Variants in PNO1 observed in about 807,000 individuals in gnomAD.
PNO1 encodes the protein RNA-binding protein PNO1.
PNO1 carries 16 observed loss-of-function variants against 28.4 expected under a neutral mutation model. The ratio of observed to expected loss-of-function variants is 0.56; its 90% CI spans 0.38 to 0.85. PNO1 has a LOEUF of 0.85. Among genes scored for constraint, PNO1 ranks in the 40% least tolerant of loss-of-function variants. The pLI is 0.00. For synonymous variants in PNO1, 115 were observed against 110.8 expected (o/e 1.04, Z -0.24); for missense variants, 304 against 312.2 (o/e 0.97, Z 0.20).
rs374601387 is a variant in PNO1 at position 68,173,286 on chromosome 2, G to A, written c.621-61G>A. 93 of 1,019,100 alleles carry A rather than the reference G, an allele frequency of 9.1e-5. 1 individual carries two copies. The African/African-American group carries it at 1.3e-3, about 14-fold the overall frequency. 63.1% of individuals were successfully genotyped at this position (1,019,100 alleles called of 1,614,324 possible). On this transcript the variant is annotated intron_variant, in intron 5 of 6. Coordinates refer to ENST00000263657, the MANE Select transcript of PNO1 (RefSeq NM_020143.4). ...CCTGCCTTGGCCTTCCAAAGTGCTGGGATTACAGGTGTGAGTCATTGCATC... is the reference window on the plus strand; with the variant it reads ...CCTGCCTTGGCCTTCCAAAGTGCTGAGATTACAGGTGTGAGTCATTGCATC...
At position 68,174,990 on chromosome 2, in the gene PNO1, A is replaced by C; in HGVS notation, c.*188A>C. 2.1e-6 allele frequency: 1 copy of C among 482,808 alleles called. No homozygotes were observed. Among genetic ancestry groups the C allele is most frequent in the Non-Finnish European group, 3.6e-6 (1 of 273,992 alleles). 29.9% of individuals were successfully genotyped at this position (482,808 alleles called of 1,614,324 possible). Reference sequence around the variant, plus strand: ...ATTCACACTCAACAGGTTTTAGGATAATTTAAATATCAAAAATTGATTGTT... The same window carrying C: ...ATTCACACTCAACAGGTTTTAGGATCATTTAAATATCAAAAATTGATTGTT... On this transcript the variant is annotated 3_prime_UTR_variant, in exon 7 of 7. Coordinates refer to ENST00000263657, the MANE Select transcript of PNO1 (RefSeq NM_020143.4).
chr2:68,175,316 G>T lies in PNO1; in HGVS notation c.*514G>T. 1 of 152,530 alleles carries T rather than the reference G, an allele frequency of 6.6e-6. No individual in the cohort carries two copies. Among genetic ancestry groups the T allele is most frequent in the Non-Finnish European group, 1.5e-5 (1 of 68,300 alleles). 9.4% of individuals were successfully genotyped at this position (152,530 alleles called of 1,614,324 possible). The stretch of plus-strand genomic sequence containing the variant: ...ACTTTGTCACCCAGGCTAGAGTGCA[G>T]TGGTGCAATCTCAGCTCACTGCAGC... On this transcript the variant is annotated 3_prime_UTR_variant, in exon 7 of 7. Transcript: ENST00000263657.
chr2:68,159,611 G>A (rs1004103600), intron 2 of PNO1, among the ~76,000 whole-genome samples: 7 of 152,004 alleles, frequency 4.6e-5, no homozygotes, highest in Non-Finnish European at 8.8e-5. Flanking sequence ...ATCGATAACC[G>A]AAATTAATTA....
chr2:68,162,654 T>C lies in PNO1; in HGVS notation c.611T>C (p.Leu204Ser). The C allele has an allele frequency of 6.3e-7, 1 of 1,592,694 alleles. No homozygotes were observed. The highest frequency in any genetic ancestry group is 8.6e-7 in the Non-Finnish European group (1 of 1,160,522). Residue 204 changes from leucine to serine, a missense_variant, in exon 5 of 7, where the codon TTG (leucine) becomes TCG (serine). By Grantham distance (145) the Leu-to-Ser change is moderately radical. Coordinates refer to ENST00000263657, the MANE Select transcript of PNO1 (RefSeq NM_020143.4). The part of the protein sequence containing the change: ...IENVTRTRIV[L>S]ADVKVHILGS... ...AATGTGACACGGACAAGGATAGTTT[T>C]GGCTGATGTGTAAGTATCTGATCTT...
At chr2:68,158,164 C>A in intron 1 of PNO1, 23 bp downstream of exon 1, 1 of 1,561,416 alleles carries the variant, frequency 6.4e-7, no homozygotes, top group Non-Finnish European at 8.7e-7. Flanking sequence ...GACCCTAGGA[C>A]AGCAACGAGG....
At chr2:68,170,679 C>T (rs1001070748) in intron 5 of PNO1, among the ~76,000 whole-genome samples, 23 of 131,482 alleles carry the variant, frequency 1.7e-4, no homozygotes, top group Non-Finnish European at 2.8e-4. Context: ...ATCCGAGAGG[C>T]GGAGCTTGCA....
chr2:68,170,496 C>G (rs557512152), intron 5 of PNO1, among the ~76,000 whole-genome samples: 1 of 152,210 alleles, frequency 6.6e-6, no homozygotes, highest in East Asian at 1.9e-4. Context: ...ACCTGTAATC[C>G]CAGCACTTTG....
intron 5 of PNO1, among the ~76,000 whole-genome samples, chr2:68,172,103 G>A (rs1034280060): frequency 1.2e-4 from 19 of 152,168 alleles, no homozygotes; most frequent in African/African-American, 4.6e-4. Context: ...CTGAGAGGCT[G>A]GCATGTTGGG....
At chr2:68,160,125 C>T (rs185983777) in intron 2 of PNO1, among the ~76,000 whole-genome samples, 11 of 152,000 alleles carry the variant, frequency 7.2e-5, no homozygotes, top group Admixed American at 2.0e-4. Context: ...CCCACCACCA[C>T]GCCCGGCTAA....
chr2:68,159,769 C>G (rs1052612391), intron 2 of PNO1, among the ~76,000 whole-genome samples: 4 of 151,818 alleles, frequency 2.6e-5, no homozygotes, highest in African/African-American at 9.7e-5. Context: ...AGAGTAACTC[C>G]TCTTTGTCCC....
intron 6 of PNO1, among the ~76,000 whole-genome samples, chr2:68,174,288 G>GTTT (rs34323809): frequency 6.6e-5 from 7 of 106,778 alleles, no homozygotes; most frequent in Non-Finnish European, 9.2e-5. Flanking sequence ...TTCTGTTAAG[G>GTTT]TTTTTTTTTT....
In PNO1 at chr2:68,161,746, A is replaced by G. The variant is rs749262941; in HGVS notation, c.421A>G (p.Ile141Val). Residue 141 changes from isoleucine (I) to valine (V), a missense_variant, in exon 3 of 7, where the codon ATT (isoleucine) becomes GTT (valine). Physicochemically the swap from Ile to Val is conservative, Grantham distance 29. Transcript: ENST00000263657. ...TKAADFVKAF[I>V]LGFQVEDALA... The stretch of plus-strand genomic sequence containing the variant: ...AGCAGCTGATTTTGTGAAAGCTTTT[A>G]TTCTCGGCTTTCAGGTGGAGGTGAG... 1 of 1,611,162 alleles carries G rather than the reference A, an allele frequency of 6.2e-7. No homozygotes were observed. The highest frequency in any genetic ancestry group is 8.5e-7 in the Non-Finnish European group (1 of 1,177,788).
intron 5 of PNO1, among the ~76,000 whole-genome samples, chr2:68,171,708 G>A (rs890635507): frequency 2.0e-5 from 3 of 152,178 alleles, no homozygotes; most frequent in Non-Finnish European, 2.9e-5. Context: ...GGATGAAAGG[G>A]AGAGAGCGGA....
At chr2:68,161,914 C>T in intron 3 of PNO1, 148 bp downstream of exon 3, 7 of 623,086 alleles carry the variant, frequency 1.1e-5, no homozygotes, top group Non-Finnish European at 2.0e-5. Context: ...GCAGGTGGAT[C>T]ACTTGAGGCC....
chr2:68,172,776 T>C (rs554864561), intron 5 of PNO1, among the ~76,000 whole-genome samples: 1 of 152,286 alleles, frequency 6.6e-6, no homozygotes, highest in East Asian at 1.9e-4. Flanking sequence ...CATGTGAGGA[T>C]TAATGAGGGC....
At chr2:68,162,244 G>A (rs779854893) in intron 3 of PNO1, 21 bp from the exon 4 acceptor site, 13 of 1,588,302 alleles carry the variant, frequency 8.2e-6, no homozygotes, top group Non-Finnish European at 1.1e-5. Flanking sequence ...GGGCTTCACG[G>A]TGTTTGTTTT....
At chr2:68,166,106 A>G (rs1673990976) in intron 5 of PNO1, among the ~76,000 whole-genome samples, 1 of 152,178 alleles carries the variant, frequency 6.6e-6, no homozygotes, top group African/African-American at 2.4e-5. Flanking sequence ...CTTAATTAGC[A>G]TGTTATTTTG....
In PNO1 at chr2:68,165,028, C is replaced by CGTT. The variant is rs139802233; in HGVS notation, c.620+2365_620+2366insGTT. ...AAAAAAAAATCTTCGGTTAAATCAT[C>CGTT]AAGTCATGGACTGGCTGAGTAGCCC... On this transcript the variant is annotated intron_variant, in intron 5 of 6. Transcript: ENST00000263657. Among the ~76,000 whole-genome samples the CGTT allele has an allele frequency of 3.7e-3, 554 of 151,702 alleles. 2 individuals carry two copies. Among genetic ancestry groups the CGTT allele is most frequent in the Non-Finnish European group, 6.1e-3 (413 of 67,904 alleles).
chr2:68,165,363 C>CAAAA (rs770897170), intron 5 of PNO1, among the ~76,000 whole-genome samples: 2,347 of 24,458 alleles, frequency 0.096, 66 homozygotes, highest in African/African-American at 0.19. Flanking sequence ...GACTCCGTCT[C>CAAAA]AAAAAAAAAA....
Sources: gnomAD v4.1 joint callset for allele counts (sites outside exome capture counted in the v4.1 genomes callset) on GRCh38, gnomAD v4.1.1 for gene constraint, MANE v1.5 for transcripts, NCBI Gene and HGNC (gene_info 2026-07-23, HGNC 2026-07-21) for gene names.